CUBN: variants seen among roughly 807,000 people sequenced by gnomAD.
The protein encoded by CUBN is 460 kDa receptor.
In CUBN, 282 loss-of-function variants were observed where a neutral mutation model predicts 405.3. That is an observed-to-expected ratio of 0.70 (90% confidence interval 0.63 to 0.77). CUBN has a LOEUF of 0.77. CUBN is among the 30% of genes least tolerant of loss of function. The probability of loss-of-function intolerance (pLI) is 0.00; values close to 1 mark genes in which losing one functional copy is unlikely to be tolerated. For missense variants in CUBN, 4,514 were observed against 4,475.2 expected (o/e 1.01, Z -0.25); for synonymous variants, 1,684 against 1,617.0 (o/e 1.04, Z -0.99).
rs1481355535 is a variant in CUBN, at chr10:16,906,227, A to G, written c.7888T>C (p.Phe2630Leu). ...FYLESHQDCQ[F>L]DVLEFRVGDA... is the part of the protein sequence containing the mutation. ...CCCACTCGAAACTCGAGGACATCAA[A>G]TTGACAGTCTTGGTGACTTTCTAGG... The change falls in exon 50 of 67, where the codon TTT (phenylalanine) becomes CTT (leucine). Residue 2630 changes from phenylalanine to leucine, a missense_variant. By Grantham distance (22) the Phe-to-Leu change is conservative. Transcript: ENST00000377833. 1.2e-6 allele frequency: 2 copies of G among 1,613,782 alleles called. No homozygotes were observed. Among genetic ancestry groups the G allele is most frequent in the African/African-American group, 2.7e-5 (2 of 74,940 alleles).
chr10:16,863,355 G>A (rs1840072012), intron 59 of CUBN, among the ~76,000 whole-genome samples: 1 of 152,306 alleles, frequency 6.6e-6, no homozygotes, highest in Middle Eastern at 3.4e-3. Context: ...ATCACAGGGA[G>A]CAAATGACAT....
chr10:16,873,593 C>T (rs1335289179), intron 58 of CUBN, among the ~76,000 whole-genome samples: 1 of 151,578 alleles, frequency 6.6e-6, no homozygotes, highest in South Asian at 2.1e-4. Context: ...ATGGTGGCGC[C>T]TGCCTGTAAT....
At chr10:16,919,352 A>T (rs1171450406) in intron 44 of CUBN, among the ~76,000 whole-genome samples, 2 of 152,232 alleles carry the variant, frequency 1.3e-5, no homozygotes, top group Non-Finnish European at 2.9e-5. Flanking sequence ...AGAAGATCTT[A>T]TATCCAAGTT....
At chr10:16,986,417 G>A (rs1275311380) in intron 29 of CUBN, among the ~76,000 whole-genome samples, 1 of 152,140 alleles carries the variant, frequency 6.6e-6, no homozygotes, top group Non-Finnish European at 1.5e-5. Context: ...AGCCTACTTT[G>A]GGGAGGAGTG....
intron 31 of CUBN, among the ~76,000 whole-genome samples, chr10:16,957,886 T>C (rs1429089303): frequency 3.0e-5 from 4 of 132,332 alleles, no homozygotes; most frequent in Non-Finnish European, 6.4e-5. Context: ...ATGGTGTTTA[T>C]AGACTTCTCA....
intron 10 of CUBN, among the ~76,000 whole-genome samples, chr10:17,106,560 T>C (rs553874425): frequency 6.8e-6 from 1 of 146,272 alleles, no homozygotes; most frequent in African/African-American, 2.5e-5. Flanking sequence ...ATCCTGCCAC[T>C]GCACTCCAGC....
Position 16,879,382 on chromosome 10 carries a change from G to A in CUBN, c.8906-2285C>T, listed in dbSNP as rs553162815. On this transcript the variant is annotated intron_variant, in intron 56 of 66. Transcript: ENST00000377833. ...GAACAAAATGCTTTTATTTCATGGC[G>A]ATGCTAACTTGAACATATATCTAAT... Among the ~76,000 whole-genome samples the A allele has an allele frequency of 6.6e-5, 10 of 152,232 alleles. No homozygotes were observed. In the South Asian group the frequency reaches 1.9e-3, roughly 28 times the overall value.
chr10:16,960,328 T>C (rs970463567), intron 31 of CUBN, among the ~76,000 whole-genome samples: 1 of 151,958 alleles, frequency 6.6e-6, no homozygotes, highest in East Asian at 1.9e-4. Flanking sequence ...CCCATCTCTA[T>C]TAAAAATACA....
chr10:16,991,638 T>C (rs1833590409), intron 28 of CUBN, among the ~76,000 whole-genome samples: 1 of 151,652 alleles, frequency 6.6e-6, no homozygotes, highest in Non-Finnish European at 1.5e-5. Flanking sequence ...TCTGTTTTTT[T>C]TTTTTTTTAA....
chr10:16,919,833 T>TTAA, intron 44 of CUBN, 130 bp downstream of exon 44: 1 of 1,020,976 alleles, frequency 9.8e-7, no homozygotes, highest in African/African-American at 1.6e-5. Context: ...GCCTGAGCCA[T>TTAA]TAAGCATTTC....
At chr10:17,096,942 T>C (rs1836387655) in intron 14 of CUBN, among the ~76,000 whole-genome samples, 1 of 152,064 alleles carries the variant, frequency 6.6e-6, no homozygotes, top group South Asian at 2.1e-4. Flanking sequence ...CAAATAAAAG[T>C]TCTCCAAGGA....
chr10:17,113,951 A>G, intron 8 of CUBN, 76 bp downstream of exon 8: 1 of 1,417,248 alleles, frequency 7.1e-7, no homozygotes, highest in Non-Finnish European at 9.8e-7. Flanking sequence ...CTTACTCATC[A>G]ATAGTGAAAG....
chr10:17,049,721 C>T (rs1336011555), intron 22 of CUBN, among the ~76,000 whole-genome samples: 2 of 152,106 alleles, frequency 1.3e-5, no homozygotes, highest in Non-Finnish European at 2.9e-5. Flanking sequence ...TTACCTAACC[C>T]GCCACCCAAC....
At chr10:16,925,855 G>A (rs1404354217) in intron 41 of CUBN, 81 bp from the exon 42 acceptor site, 3 of 1,263,768 alleles carry the variant, frequency 2.4e-6, no homozygotes, top group African/African-American at 3.0e-5. Context: ...TTCTTGGGGG[G>A]TTTTCAAAGT....
chr10:17,128,927 G>A lies in CUBN; in HGVS notation c.252+194C>T, dbSNP rs7899219. Among the ~76,000 whole-genome samples the A allele has an allele frequency of 0.024, 3,711 of 152,088 alleles. 143 individuals carry two copies. The highest frequency in any genetic ancestry group is 0.085 in the African/African-American group (3,530 of 41,472). On this transcript the variant is annotated intron_variant, in intron 2 of 66. Transcript: ENST00000377833. ...TCATATGTTCTTAGCATGAAGAAAA[G>A]GTAAATATTTAAGGTGATGGATATC...
chr10:17,056,272 A>G (rs796171426), intron 22 of CUBN, among the ~76,000 whole-genome samples: 8 of 152,248 alleles, frequency 5.3e-5, no homozygotes, highest in African/African-American at 1.9e-4. Flanking sequence ...AGAAAAATTG[A>G]TGCAAAATGG....
At chr10:17,123,927 G>T (rs944851241) in intron 4 of CUBN, among the ~76,000 whole-genome samples, 9 of 152,086 alleles carry the variant, frequency 5.9e-5, no homozygotes, top group African/African-American at 1.9e-4. Context: ...ACCACGGGTG[G>T]GATGAAGTCT....
At chr10:16,838,475 T>G (rs1214631433) in intron 62 of CUBN, among the ~76,000 whole-genome samples, 1 of 152,206 alleles carries the variant, frequency 6.6e-6, no homozygotes, top group Non-Finnish European at 1.5e-5. Context: ...TTTGCATATT[T>G]TCCCCAGATA....
At chr10:16,946,236 G>A (rs568949149) in intron 36 of CUBN, among the ~76,000 whole-genome samples, 9 of 152,170 alleles carry the variant, frequency 5.9e-5, no homozygotes, top group South Asian at 2.1e-4. Context: ...TCAGTGTGAC[G>A]TGTCACATAT....
Sources: gnomAD v4.1 joint callset for allele counts (sites outside exome capture counted in the v4.1 genomes callset) on GRCh38, gnomAD v4.1.1 for gene constraint, MANE v1.5 for transcripts, NCBI Gene and HGNC (gene_info 2026-07-23, HGNC 2026-07-21) for gene names.